RAPGEF1: variants seen among roughly 807,000 people sequenced by gnomAD.
The protein encoded by RAPGEF1 is CRK SH3-binding GNRP.
A neutral mutation model predicts 143.3 loss-of-function variants in RAPGEF1; 33 were observed. The ratio of observed to expected loss-of-function variants is 0.23; its 90% confidence interval spans 0.17 to 0.31. RAPGEF1 has a LOEUF of 0.31. RAPGEF1 is among the 10% of genes least tolerant of loss of function. RAPGEF1 has a pLI of 1.00. For missense variants in RAPGEF1, 1,199 were observed against 1,645.4 expected (o/e 0.73, Z 4.69); for synonymous variants, 629 against 676.5 (o/e 0.93, Z 1.09).
chr9:131,634,713 CAAAAAAAAAAAAAAAA>C (rs35405559), intron 5 of RAPGEF1, among the ~76,000 whole-genome samples: 59 of 61,222 alleles, frequency 9.6e-4, no homozygotes, highest in Non-Finnish European at 1.2e-3. Flanking sequence ...GACTCCGTCT[CAAAAAAAAAAAAAAAA>C]AAAAAAAAAA....
chr9:131,629,008 C>G, intron 7 of RAPGEF1, 94 bp downstream of exon 7: 5 of 1,490,480 alleles, frequency 3.4e-6, no homozygotes, highest in Non-Finnish European at 4.5e-6. Flanking sequence ...GGGCCAAGCC[C>G]TCAGCGCTGA....
chr9:131,677,401 A>G (rs1832502410), intron 1 of RAPGEF1, among the ~76,000 whole-genome samples: 1 of 152,264 alleles, frequency 6.6e-6, no homozygotes, highest in Non-Finnish European at 1.5e-5. Context: ...TCCAATTAAC[A>G]TAAGCACAGG....
In RAPGEF1 at chr9:131,582,665, G is replaced by A; in HGVS notation, c.3452C>T (p.Ser1151Phe). ...GGCGGCCCGGTAGGCTCGGAAGGAGGACGAGCTGTCGATCAGTGTGCAGTA... is the reference window on the plus strand; with the variant it reads ...GGCGGCCCGGTAGGCTCGGAAGGAGAACGAGCTGTCGATCAGTGTGCAGTA... ...AEYCTLIDSS[S>F]SFRAYRAALS... Residue 1151 changes from serine (S) to phenylalanine (F), a missense_variant, in exon 25 of 27, where the codon TCC becomes TTC. By Grantham distance (155) the Ser-to-Phe change is radical. Around this residue, in one of 6 missense-constraint regions of RAPGEF1, gnomAD observed 209 missense variants for 403.0 expected, o/e 0.52. Coordinates refer to ENST00000683357, the MANE Select transcript of RAPGEF1 (RefSeq NM_001377935.1). 1 of 1,544,540 alleles carries A rather than the reference G, an allele frequency of 6.5e-7. No homozygotes were observed. Among genetic ancestry groups the A allele is most frequent in the Non-Finnish European group, 8.7e-7 (1 of 1,153,148 alleles).
At chr9:131,646,454 C>T (rs998893976) in intron 3 of RAPGEF1, among the ~76,000 whole-genome samples, 1 of 152,216 alleles carries the variant, frequency 6.6e-6, no homozygotes, top group African/African-American at 2.4e-5. Context: ...CATAAAATCC[C>T]CATCGCCTTT....
intron 1 of RAPGEF1, among the ~76,000 whole-genome samples, chr9:131,711,360 C>CTTT (rs1277721454): frequency 8.0e-6 from 1 of 125,226 alleles, no homozygotes; most frequent in African/African-American, 2.7e-5. Context: ...CCTATTATCA[C>CTTT]CTTTTTTTTT....
intron 1 of RAPGEF1, among the ~76,000 whole-genome samples, chr9:131,677,187 C>T (rs949114542): frequency 2.1e-4 from 32 of 152,230 alleles, no homozygotes; most frequent in East Asian, 1.9e-4. Flanking sequence ...TCACAATAAA[C>T]GTGCACGCAG....
At chr9:131,719,150 G>A (rs904568122) in intron 1 of RAPGEF1, among the ~76,000 whole-genome samples, 3 of 152,228 alleles carry the variant, frequency 2.0e-5, no homozygotes, top group Admixed American at 6.5e-5. Context: ...TAGTTTTCAC[G>A]TTCTGGATGC....
At chr9:131,598,399 C>T (rs1006232232) in intron 15 of RAPGEF1, 89 bp from the exon 16 acceptor site, 6 of 1,066,274 alleles carry the variant, frequency 5.6e-6, no homozygotes, top group African/African-American at 4.7e-5. Flanking sequence ...GTGCACGGCT[C>T]GAAACCGCTC....
chr9:131,598,409 C>T, intron 15 of RAPGEF1, 99 bp from the exon 16 acceptor site: 2 of 938,660 alleles, frequency 2.1e-6, no homozygotes, highest in South Asian at 2.8e-5. Flanking sequence ...CGAAACCGCT[C>T]CCGGAACATG....
At chr9:131,657,267 G>A (rs966485129) in intron 1 of RAPGEF1, among the ~76,000 whole-genome samples, 1 of 152,162 alleles carries the variant, frequency 6.6e-6, no homozygotes, top group Non-Finnish European at 1.5e-5. Context: ...ACAGACAGAT[G>A]CACTCTCCCT....
At position 131,653,917 on chromosome 9, in the gene RAPGEF1, A is replaced by C. The variant is rs370342883; in HGVS notation, c.62-2968T>G. On this transcript the variant is annotated intron_variant, in intron 1 of 26. Coordinates refer to ENST00000683357, the MANE Select transcript of RAPGEF1 (RefSeq NM_001377935.1). Reference sequence around the variant, plus strand: ...TGTGAATGACTAAATAAAATGTATTATATCCATACAATGGAATATTATTTG... The same window carrying C: ...TGTGAATGACTAAATAAAATGTATTCTATCCATACAATGGAATATTATTTG... Among the ~76,000 whole-genome samples, 38 of 152,400 alleles carry C rather than the reference A, an allele frequency of 2.5e-4. No individual in the cohort carries two copies. The South Asian group carries it at 7.4e-3, about 30-fold the overall frequency.
At chr9:131,702,551 C>T (rs191052170) in intron 1 of RAPGEF1, among the ~76,000 whole-genome samples, 91 of 152,264 alleles carry the variant, frequency 6.0e-4, no homozygotes, top group Non-Finnish European at 1.1e-3. Flanking sequence ...ACAAGAGGAA[C>T]GATTTCAAAA....
At chr9:131,716,840 T>C (rs1177241878) in intron 1 of RAPGEF1, among the ~76,000 whole-genome samples, 2 of 152,228 alleles carry the variant, frequency 1.3e-5, no homozygotes, top group Non-Finnish European at 2.9e-5. Context: ...CCTAAGTACG[T>C]GGATTGGCAT....
intron 13 of RAPGEF1, 24 bp downstream of exon 13, chr9:131,604,907 T>C: frequency 7.8e-7 from 1 of 1,288,432 alleles, no homozygotes; most frequent in South Asian, 1.2e-5. Flanking sequence ...TGTGTGTGTG[T>C]GTGTGTGCAC....
chr9:131,615,353 C>T lies in RAPGEF1; in HGVS notation c.2061+3698G>A, dbSNP rs894895807. On this transcript the variant is annotated intron_variant, in intron 12 of 26. Transcript: ENST00000683357. ...CCTCCCAAAGTGCTGGGATTGCAGG[C>T]GTGAGCCACTGCACCCAGCCGGAGG... is the stretch of plus-strand genomic sequence containing the variant. 2.6e-5 allele frequency among the ~76,000 whole-genome samples: 4 copies of T among 152,340 alleles called. No homozygotes were observed. The East Asian group carries it at 5.8e-4, about 22-fold the overall frequency.
At chr9:131,643,553 G>T in intron 3 of RAPGEF1, 136 bp from the exon 4 acceptor site, 4 of 859,760 alleles carry the variant, frequency 4.7e-6, no homozygotes, top group Non-Finnish European at 6.9e-6. Context: ...AACCAAGCCA[G>T]ATCATTTTTC....
At position 131,737,288 on chromosome 9, in the gene RAPGEF1, C is replaced by T. The variant is rs372297480; in HGVS notation, c.61+2482G>A. ...TCCTGGTCAGCCCCTTCCCCTCTCT[C>T]CTCTTTCTCCCTGTCTCCACCAGGT... is the stretch of plus-strand genomic sequence containing the variant. On this transcript the variant is annotated intron_variant, in intron 1 of 26. Transcript: ENST00000683357. 6.6e-5 allele frequency: 101 copies of T among 1,539,530 alleles called. No homozygotes were observed. In the African/African-American group the frequency reaches 8.2e-4, roughly 12 times the overall value.
chr9:131,578,779 G>C lies in RAPGEF1; in HGVS notation c.*718C>G, dbSNP rs1951460059. The stretch of plus-strand genomic sequence containing the variant: ...GTGTGGGAGGGGCCCAGTGGCCTGG[G>C]GTGGGGGGTAAGGGGCGACGGGATG... On this transcript the variant is annotated 3_prime_UTR_variant, in exon 27 of 27. Coordinates refer to ENST00000683357, the MANE Select transcript of RAPGEF1 (RefSeq NM_001377935.1). The C allele has an allele frequency of 6.6e-6, 1 of 152,486 alleles. No homozygotes were observed. Among genetic ancestry groups the C allele is most frequent in the South Asian group, 2.1e-4 (1 of 4,830 alleles). 9.4% of individuals were successfully genotyped at this position (152,486 alleles called of 1,614,324 possible).
At chr9:131,697,707 T>C (rs973970193) in intron 1 of RAPGEF1, among the ~76,000 whole-genome samples, 1 of 152,212 alleles carries the variant, frequency 6.6e-6, no homozygotes, top group Non-Finnish European at 1.5e-5. Flanking sequence ...GGTACAGGAC[T>C]TGCTCAAGAC....
Sources: allele counts gnomAD v4.1 joint callset (sites outside exome capture counted in the v4.1 genomes callset), GRCh38; gene constraint gnomAD v4.1.1; regional missense constraint gnomAD v4.1.1; transcripts MANE v1.5; gene names NCBI Gene and HGNC (gene_info 2026-07-23, HGNC 2026-07-21).